The following SMCHD1 variants were observed in gnomAD, a reference collection of about 807,000 sequenced individuals.
SMCHD1 encodes the protein structural maintenance of chromosomes flexible hinge domain containing 1, also known as structural maintenance of chromosomes flexible hinge domain-containing protein 1.
A neutral mutation model predicts 254.7 loss-of-function variants in SMCHD1; 78 were observed. The ratio of observed to expected loss-of-function variants is 0.31; its 90% CI spans 0.26 to 0.37. SMCHD1 has a LOEUF of 0.37. Among genes scored for constraint, SMCHD1 ranks in the 10% least tolerant of loss-of-function variants. SMCHD1 has a pLI of 1.00. For synonymous variants in SMCHD1, 766 were observed against 794.9 expected, an observed-to-expected ratio of 0.96 and a Z score of 0.61; for missense variants, 1,840 against 2,408.1, an observed-to-expected ratio of 0.76 and a Z score of 4.94.
intron 37 of SMCHD1, among the ~76,000 whole-genome samples, chr18:2,768,426 G>C (rs1172169342): frequency 6.6e-6 from 1 of 151,952 alleles, no homozygotes; most frequent in African/African-American, 2.4e-5. Context: ...AATTGATACA[G>C]CTTCTTATAA....
At chr18:2,658,031 G>T (rs2143745365) in intron 1 of SMCHD1, among the ~76,000 whole-genome samples, 1 of 152,056 alleles carries the variant, frequency 6.6e-6, no homozygotes, top group Non-Finnish European at 1.5e-5. Flanking sequence ...GGGCTCAAGA[G>T]ATCCACCCGC....
At chr18:2,729,628 T>C (rs2075097051) in intron 24 of SMCHD1, among the ~76,000 whole-genome samples, 1 of 152,192 alleles carries the variant, frequency 6.6e-6, no homozygotes, top group Non-Finnish European at 1.5e-5. Context: ...ACAGTGTCTT[T>C]TATAGTGTCT....
Position 2,762,164 on chromosome 18 carries a change from T to C in SMCHD1, c.4494T>C (p.Pro1498=), listed in dbSNP as rs374811447. 2.5e-6 allele frequency: 4 copies of C among 1,613,534 alleles called. No homozygotes were observed. The highest frequency in any genetic ancestry group is 1.3e-5 in the African/African-American group (1 of 74,922). ...PVKLVPKIKP[P]TPAVSNVRSV... ...AGTTAGTACCTAAAATTAAACCACC[T>C]ACACCAGCTGTTTCAAATGTTCGCT... is the stretch of plus-strand genomic sequence containing the variant. The change falls in exon 36 of 48, where the codon CCT becomes CCC. Residue 1498 remains proline (P), a synonymous_variant. Coordinates refer to ENST00000320876, the MANE Select transcript of SMCHD1 (RefSeq NM_015295.3).
intron 3 of SMCHD1, among the ~76,000 whole-genome samples, chr18:2,672,757 CA>C (rs1160852256): frequency 6.6e-6 from 1 of 152,174 alleles, no homozygotes; most frequent in Non-Finnish European, 1.5e-5. Flanking sequence ...GTCAGTTGAA[CA>C]GATGTATTCT....
intron 45 of SMCHD1, among the ~76,000 whole-genome samples, chr18:2,787,602 T>C (rs1392218023): frequency 6.6e-6 from 1 of 152,168 alleles, no homozygotes; most frequent in Non-Finnish European, 1.5e-5. Flanking sequence ...AGGCCTAGAC[T>C]CTATACCTAA....
chr18:2,728,501 G>T lies in SMCHD1; in HGVS notation c.2818G>T (p.Val940Phe). 2 of 1,613,104 alleles carry T rather than the reference G, an allele frequency of 1.2e-6. No individual in the cohort carries two copies. Among genetic ancestry groups the T allele is most frequent in the Non-Finnish European group, 1.7e-6 (2 of 1,179,506 alleles). The change falls in exon 23 of 48, where the codon GTT becomes TTT. Residue 940 changes from valine to phenylalanine, a missense_variant. Physicochemically the swap from Val to Phe is conservative, Grantham distance 50. Around this residue, in one of 9 missense-constraint regions of SMCHD1, gnomAD observed 881 missense variants for 1,009.5 expected, o/e 0.87. Transcript: ENST00000320876. ...AGTGAAACCTGATTCTGAAATTTTA[G>T]TTATAGAAAATGGAACAGCTTTCCC... ...LKVKPDSEIL[V>F]IENGTAFPFQ...
intron 22 of SMCHD1, 108 bp from the exon 23 acceptor site, chr18:2,728,349 A>ATATT: frequency 8.8e-7 from 1 of 1,137,612 alleles, no homozygotes; most frequent in South Asian, 1.5e-5. Flanking sequence ...TTTCTTGGCA[A>ATATT]TATTTATAAA....
intron 1 of SMCHD1, among the ~76,000 whole-genome samples, chr18:2,661,647 C>T (rs981213842): frequency 6.6e-6 from 1 of 152,138 alleles, no homozygotes; most frequent in East Asian, 1.9e-4. Context: ...ACTATTTGCT[C>T]CAGTGCAGGA....
intron 5 of SMCHD1, among the ~76,000 whole-genome samples, chr18:2,680,572 G>A (rs545421301): frequency 1.1e-4 from 16 of 152,312 alleles, no homozygotes; most frequent in Admixed American, 7.2e-4. Context: ...CTTCTTGCTT[G>A]TAGTGAACCT....
chr18:2,712,350 T>C (rs1458409638), intron 17 of SMCHD1, among the ~76,000 whole-genome samples: 1 of 152,060 alleles, frequency 6.6e-6, no homozygotes, highest in Non-Finnish European at 1.5e-5. Context: ...TTGAAAAGGA[T>C]TGGTGTTTCC....
chr18:2,673,118 T>C lies in SMCHD1; in HGVS notation c.425-163T>C, dbSNP rs916130825. On this transcript the variant is annotated intron_variant, in intron 3 of 47. Transcript: ENST00000320876. Reference sequence around the variant, plus strand: ...ACTGCTTTTTTGATGCTGGTGGTGATTGGTGATGATGCCTTTATTATGTAT... The same window carrying C: ...ACTGCTTTTTTGATGCTGGTGGTGACTGGTGATGATGCCTTTATTATGTAT... 8 of 985,248 alleles carry C rather than the reference T, an allele frequency of 8.1e-6. No individual in the cohort carries two copies. The African/African-American group carries it at 8.7e-5, about 11-fold the overall frequency. The allele number at this position is 985,248 out of a possible 1,614,324, so 61.0% of individuals were successfully genotyped here.
intron 1 of SMCHD1, among the ~76,000 whole-genome samples, chr18:2,662,906 A>G (rs1047146975): frequency 1.3e-5 from 2 of 152,086 alleles, no homozygotes; most frequent in African/African-American, 4.8e-5. Flanking sequence ...CAAATTAATT[A>G]CTTTCTTTAT....
rs1051473083 is a variant in SMCHD1 at position 2,678,034 on chromosome 18, C to T, written c.638+3889C>T. ...GACATACTCTGTAGTATACAAAAAC[C>T]GCTCCTACTTAGCTTTGTTCTCCTC... is the stretch of plus-strand genomic sequence containing the variant. On this transcript the variant is annotated intron_variant, in intron 5 of 47. Coordinates refer to ENST00000320876, the MANE Select transcript of SMCHD1 (RefSeq NM_015295.3). Among the ~76,000 whole-genome samples, 12 of 152,092 alleles carry T rather than the reference C, an allele frequency of 7.9e-5. No individual in the cohort carries two copies. In the East Asian group the frequency reaches 2.3e-3, roughly 29 times the overall value.
At chr18:2,725,555 A>C (rs2075010601) in intron 21 of SMCHD1, among the ~76,000 whole-genome samples, 2 of 152,106 alleles carry the variant, frequency 1.3e-5, no homozygotes, top group South Asian at 4.1e-4. Context: ...TAGGTCTATA[A>C]AGCAGCTAAT....
chr18:2,662,165 C>CAA lies in SMCHD1; in HGVS notation c.187-3980_187-3979dup, dbSNP rs748303423. 3.2e-3 allele frequency among the ~76,000 whole-genome samples: 186 copies of CAA among 58,280 alleles called. 1 individual carries two copies. The highest frequency in any genetic ancestry group is 3.9e-3 in the African/African-American group (65 of 16,468). The allele number at this position is 58,280 out of a possible 152,430, so 38.2% of individuals were successfully genotyped here. On this transcript the variant is annotated intron_variant, in intron 1 of 47. Coordinates refer to ENST00000320876, the MANE Select transcript of SMCHD1 (RefSeq NM_015295.3). Reference sequence around the variant, plus strand: ...TGGGCGACAGAGCGAGACTCCGTCTCAAAAAAAAAAAAATAAAATAAATAA... The same window carrying CAA: ...TGGGCGACAGAGCGAGACTCCGTCTCAAAAAAAAAAAAAAATAAAATAAATAA...
chr18:2,726,241 C>A lies in SMCHD1; in HGVS notation c.2701-211C>A, dbSNP rs62084253. 0.19 allele frequency among the ~76,000 whole-genome samples: 29,449 copies of A among 151,710 alleles called. 3,105 individuals are homozygous for A. Among genetic ancestry groups the A allele is most frequent in the South Asian group, 0.27 (1,301 of 4,820 alleles). On this transcript the variant is annotated intron_variant, in intron 21 of 47. Transcript: ENST00000320876. ...AGTAGATTCTACCATAATTCTCTTC[C>A]TTTCACTGTCTATAAGGAAGCAGTA...
At chr18:2,784,886 A>G (rs1455041318) in intron 45 of SMCHD1, 4 of 493,542 alleles carry the variant, frequency 8.1e-6, no homozygotes, top group Non-Finnish European at 1.6e-5. Context: ...CTAAGACAAG[A>G]GTGTCGCTTG....
intron 16 of SMCHD1, 25 bp downstream of exon 16, chr18:2,707,670 C>A: frequency 6.6e-7 from 1 of 1,521,122 alleles, no homozygotes; most frequent in South Asian, 1.2e-5. Flanking sequence ...TTTTCTAATA[C>A]CAAAAAGTGT....
rs192375404 is a variant in SMCHD1 at position 2,733,516 on chromosome 18, C to T, written c.3276+1024C>T. On this transcript the variant is annotated intron_variant, in intron 25 of 47. Transcript: ENST00000320876. ...GTTGTTTTAACAGTCTGTGGATGAGCGTGGCTCATTAACACATAGTCAACT... is the reference window on the plus strand; with the variant it reads ...GTTGTTTTAACAGTCTGTGGATGAGTGTGGCTCATTAACACATAGTCAACT... Among the ~76,000 whole-genome samples the T allele has an allele frequency of 3.3e-5, 5 of 152,258 alleles. No homozygotes were observed. In the East Asian group the frequency reaches 7.7e-4, roughly 23 times the overall value.
Sources: gnomAD v4.1 joint callset for allele counts (sites outside exome capture counted in the v4.1 genomes callset) on GRCh38, gnomAD v4.1.1 for gene constraint, gnomAD v4.1.1 regional missense constraint, MANE v1.5 for transcripts, NCBI Gene and HGNC (gene_info 2026-07-23, HGNC 2026-07-21) for gene names.